The following DYNC1LI2 variants were observed in gnomAD, a reference collection of about 807,000 sequenced individuals.
DYNC1LI2 encodes the protein dynein cytoplasmic 1 light intermediate chain 2.
A neutral mutation model predicts 57.8 loss-of-function variants in DYNC1LI2; 19 were observed. That is an observed-to-expected ratio of 0.33 (90% CI 0.23 to 0.48). The LOEUF (loss-of-function observed/expected upper bound fraction) is 0.48. Ranked by LOEUF, DYNC1LI2 falls within the 20% of genes least tolerant of loss-of-function variation. The probability of loss-of-function intolerance (pLI) is 0.99; values close to 1 mark genes in which losing one functional copy is unlikely to be tolerated. For synonymous variants in DYNC1LI2, 256 were observed against 233.4 expected, an observed-to-expected ratio of 1.10 and a Z score of -0.88; for missense variants, 470 against 604.2, an observed-to-expected ratio of 0.78 and a Z score of 2.33.
chr16:66,746,216 C>A (rs542996609), intron 3 of DYNC1LI2, among the ~76,000 whole-genome samples: 1 of 152,076 alleles, frequency 6.6e-6, no homozygotes, highest in Non-Finnish European at 1.5e-5. Context: ...CAGCCTCTCT[C>A]CCCACTGCCC....
chr16:66,751,308 G>C lies in DYNC1LI2; in HGVS notation c.146C>G (p.Ser49Cys), dbSNP rs1368509239. 1 of 1,612,384 alleles carries C rather than the reference G, an allele frequency of 6.2e-7. No individual in the cohort carries two copies. ...GATGTTCTTGCCGGACGGCAGCTTGGACCTGGCGCGGGTGGACACTTCGCT... is the reference window on the plus strand; with the variant it reads ...GATGTTCTTGCCGGACGGCAGCTTGCACCTGGCGCGGGTGGACACTTCGCT... ...ILSEVSTRAR[S>C]KLPSGKNILV... Residue 49 changes from serine (S) to cysteine (C), a missense_variant, in exon 2 of 13, where the codon TCC becomes TGC. Transcript: ENST00000258198. The surrounding 1 kb of genome is among the most constrained non-coding windows in gnomAD (Gnocchi z 5.2).
chr16:66,734,234 C>A lies in DYNC1LI2; in HGVS notation c.777G>T (p.Arg259=). 6.2e-7 allele frequency: 1 copy of A among 1,614,168 alleles called. No individual in the cohort carries two copies. The highest frequency in any genetic ancestry group is 8.5e-7 in the Non-Finnish European group (1 of 1,180,030). The stretch of plus-strand genomic sequence containing the variant: ...AAAGGATACACTGAAGGCAGAACCT[C>A]CGCAGGTGTGACTGGATAAAGTCCA... The part of the protein sequence containing the change: ...EHLDFIQSHL[R]RFCLQYGAAL... Residue 259 remains arginine, a synonymous_variant, in exon 6 of 13, where the codon CGG becomes CGT. Coordinates refer to ENST00000258198, the MANE Select transcript of DYNC1LI2 (RefSeq NM_006141.3).
At position 66,751,185 on chromosome 16, in the gene DYNC1LI2, T is replaced by G; in HGVS notation, c.181+88A>C. 7.0e-7 allele frequency: 1 copy of G among 1,437,114 alleles called. No individual in the cohort carries two copies. The highest frequency in any genetic ancestry group is 2.5e-5 in the East Asian group (1 of 39,868). 89.0% of individuals were successfully genotyped at this position (1,437,114 alleles called of 1,614,324 possible). On this transcript the variant is annotated intron_variant, in intron 2 of 12. Transcript: ENST00000258198. This position sits in a 1 kb window ranked among gnomAD's most constrained non-coding sequence, Gnocchi z 5.2. Reference sequence around the variant, plus strand: ...TCCCGCCAGGCTGCGGGCAGGCGGCTGGAACGGGGAAGGCGGGGACCTGAG... The same window carrying G: ...TCCCGCCAGGCTGCGGGCAGGCGGCGGGAACGGGGAAGGCGGGGACCTGAG...
intron 5 of DYNC1LI2, among the ~76,000 whole-genome samples, 173 bp from the exon 6 acceptor site, chr16:66,734,484 T>A (rs2017695258): frequency 6.6e-6 from 1 of 151,250 alleles, no homozygotes. Flanking sequence ...TCATTCATCT[T>A]GGGCCTCGTT....
Position 66,734,330 on chromosome 16 carries a change from G to C in DYNC1LI2, c.700-19C>G. On this transcript the variant is annotated intron_variant, in intron 5 of 12. Coordinates refer to ENST00000258198, the MANE Select transcript of DYNC1LI2 (RefSeq NM_006141.3). ...CATCACACTGCAGGGAAGACAGACA[G>C]AGTCACCTTTTTGCTTCATTGCCTG... 6.2e-7 allele frequency: 1 copy of C among 1,613,016 alleles called. No homozygotes were observed. The highest frequency in any genetic ancestry group is 1.7e-5 in the Admixed American group (1 of 59,890).
intron 5 of DYNC1LI2, among the ~76,000 whole-genome samples, chr16:66,734,997 C>CAAAA (rs377398071): frequency 0.062 from 2,378 of 38,266 alleles, 414 homozygotes; most frequent in African/African-American, 0.2. Context: ...AACTCCGTCT[C>CAAAA]AAAAAAAAAA....
At chr16:66,731,956 G>A (rs1236730520) in intron 7 of DYNC1LI2, 1 of 171,788 alleles carries the variant, frequency 5.8e-6, no homozygotes, top group Non-Finnish European at 1.2e-5. Flanking sequence ...TGACAGAGAT[G>A]CCGAGAGGAT....
chr16:66,742,815 C>T (rs1469605233), intron 3 of DYNC1LI2, 147 bp from the exon 4 acceptor site: 7 of 841,806 alleles, frequency 8.3e-6, no homozygotes, highest in Non-Finnish European at 1.3e-5. Flanking sequence ...CCAAAAAGTG[C>T]CCAAGTGCTC....
At chr16:66,734,467 A>G (rs1354869724) in intron 5 of DYNC1LI2, among the ~76,000 whole-genome samples, 156 bp from the exon 6 acceptor site, 1 of 151,562 alleles carries the variant, frequency 6.6e-6, no homozygotes, top group African/African-American at 2.4e-5. Context: ...AGAACCGGAG[A>G]TTTTTCTCAT....
intron 3 of DYNC1LI2, among the ~76,000 whole-genome samples, chr16:66,745,740 C>A (rs1339620902): frequency 6.6e-6 from 1 of 151,620 alleles, no homozygotes; most frequent in Non-Finnish European, 1.5e-5. Context: ...CCCATCTCTA[C>A]AAAAGATACA....
chr16:66,744,820 A>G (rs1412658842), intron 3 of DYNC1LI2, among the ~76,000 whole-genome samples: 1 of 149,232 alleles, frequency 6.7e-6, no homozygotes, highest in African/African-American at 2.5e-5. Context: ...TCAGCCTCCC[A>G]AAGTGCTGGG....
chr16:66,722,139 A>T lies in DYNC1LI2; in HGVS notation c.*1583T>A, dbSNP rs1259406882. ...CAGCTTTCTCCTTAACAGTGTTCAG[A>T]CCTTTACGAAAGCAATTCAAGAAAG... On this transcript the variant is annotated 3_prime_UTR_variant, in exon 13 of 13. Coordinates refer to ENST00000258198, the MANE Select transcript of DYNC1LI2 (RefSeq NM_006141.3). The T allele has an allele frequency of 6.5e-6, 1 of 152,676 alleles. No homozygotes were observed. Among genetic ancestry groups the T allele is most frequent in the Non-Finnish European group, 1.5e-5 (1 of 68,042 alleles). The allele number at this position is 152,676 out of a possible 1,614,324, so 9.5% of individuals were successfully genotyped here. A position where few individuals can be genotyped will look rare whatever the true frequency, so the allele number is the denominator to read the frequency against.
At chr16:66,731,386 T>C (rs2017634265) in intron 7 of DYNC1LI2, 1 of 152,298 alleles carries the variant, frequency 6.6e-6, no homozygotes, top group African/African-American at 2.4e-5. Context: ...TCTCCTTGAC[T>C]GTGCAGGAGG....
chr16:66,751,295 G>A lies in DYNC1LI2; in HGVS notation c.159C>T (p.Ser53=), dbSNP rs145973586. 15 of 1,612,114 alleles carry A rather than the reference G, an allele frequency of 9.3e-6. No homozygotes were observed. In the African/African-American group the frequency reaches 1.5e-4, roughly 16 times the overall value. Residue 53 remains serine (S), a synonymous_variant, in exon 2 of 13, where the codon TCC becomes TCT. Transcript: ENST00000258198. This position sits in a 1 kb window ranked among gnomAD's most constrained non-coding sequence, Gnocchi z 5.2. Reference sequence around the variant, plus strand: ...CACCGAAGACCAGGATGTTCTTGCCGGACGGCAGCTTGGACCTGGCGCGGG... The same window carrying A: ...CACCGAAGACCAGGATGTTCTTGCCAGACGGCAGCTTGGACCTGGCGCGGG... ...VSTRARSKLP[S]GKNILVFGED...
chr16:66,737,300 A>T (rs932646088), intron 4 of DYNC1LI2, among the ~76,000 whole-genome samples: 3 of 151,972 alleles, frequency 2.0e-5, no homozygotes, highest in Non-Finnish European at 2.9e-5. Context: ...AACAAAAAAC[A>T]AAAACAAACA....
rs1164246591 is a variant in DYNC1LI2 at position 66,748,290 on chromosome 16, A to G, written c.298+907T>C. Among the ~76,000 whole-genome samples the G allele has an allele frequency of 2.6e-5, 4 of 151,504 alleles. No homozygotes were observed. The South Asian group carries it at 6.2e-4, about 24-fold the overall frequency. On this transcript the variant is annotated intron_variant, in intron 3 of 12. Coordinates refer to ENST00000258198, the MANE Select transcript of DYNC1LI2 (RefSeq NM_006141.3). The stretch of plus-strand genomic sequence containing the variant: ...AAAACCCTGTCTCAAAAAAAAAAAA[A>G]AAAAAAAAAAAAAAACTAACATAAA...
At position 66,728,203 on chromosome 16, in the gene DYNC1LI2, A is replaced by C. The variant is rs754427052; in HGVS notation, c.1141T>G (p.Ser381Ala). ...TCTGTTTAGTGTAAGGTACTCACAG[A>C]AGCTCTCGTGGGAGTGGCTGGTTGC... Reference protein sequence around the residue: ...AKQPATPTRASESPARGPSGS... With the variant: ...AKQPATPTRAAESPARGPSGS... The change falls in exon 10 of 13, where the codon TCT (serine) becomes GCT (alanine). Residue 381 changes from serine (S) to alanine (A), a missense_variant and splice_region_variant. By Grantham distance (99) the Ser-to-Ala change is moderately conservative. Coordinates refer to ENST00000258198, the MANE Select transcript of DYNC1LI2 (RefSeq NM_006141.3). 2 of 1,614,142 alleles carry C rather than the reference A, an allele frequency of 1.2e-6. No individual in the cohort carries two copies.
intron 3 of DYNC1LI2, among the ~76,000 whole-genome samples, chr16:66,743,093 T>C (rs1239869199): frequency 1.3e-5 from 2 of 151,042 alleles, no homozygotes; most frequent in Non-Finnish European, 3.0e-5. Context: ...ACCCAGGAAG[T>C]AGAGGTTGCG....
rs1478025982 is a variant in DYNC1LI2 at position 66,751,075 on chromosome 16, G to C, written c.181+198C>G. 6.6e-6 allele frequency among the ~76,000 whole-genome samples: 1 copy of C among 152,162 alleles called. No homozygotes were observed. The highest frequency in any genetic ancestry group is 1.5e-5 in the Non-Finnish European group (1 of 68,026). ...GCCGACAACCCCAAAGCACCACTACGCTCTCCAAAGAGGGCAGCATCCCAC... is the reference window on the plus strand; with the variant it reads ...GCCGACAACCCCAAAGCACCACTACCCTCTCCAAAGAGGGCAGCATCCCAC... On this transcript the variant is annotated intron_variant, in intron 2 of 12. Transcript: ENST00000258198. This position sits in a 1 kb window ranked among gnomAD's most constrained non-coding sequence, Gnocchi z 5.2.
Sources: gnomAD v4.1 joint callset for allele counts (sites outside exome capture counted in the v4.1 genomes callset) on GRCh38, gnomAD v4.1.1 for gene constraint, Gnocchi (gnomAD v3.1) non-coding constraint, MANE v1.5 for transcripts, NCBI Gene and HGNC (gene_info 2026-07-23, HGNC 2026-07-21) for gene names.